The following HECTD3 variants were observed in gnomAD, a reference collection of about 807,000 sequenced individuals.
HECTD3 encodes HECT domain E3 ubiquitin protein ligase 3.
A neutral mutation model predicts 109.3 loss-of-function variants in HECTD3; 72 were observed. The ratio of observed to expected loss-of-function variants is 0.66; its 90% CI spans 0.54 to 0.80. The LOEUF is 0.80. HECTD3 is among the 30% of genes least tolerant of loss of function. The pLI, the probability that HECTD3 is intolerant of heterozygous loss-of-function variation, is 0.00. For synonymous variants in HECTD3, 481 were observed against 471.8 expected, an observed-to-expected ratio of 1.02 and a Z score of -0.25; for missense variants, 1,041 against 1,165.2, an observed-to-expected ratio of 0.89 and a Z score of 1.55.
intron 15 of HECTD3, chr1:45,005,240 G>C (rs915078660): frequency 3.6e-5 from 9 of 246,896 alleles, no homozygotes; most frequent in Admixed American, 1.5e-4. Context: ...TAAATAAGGA[G>C]AGTGAAATGA....
chr1:45,011,229 A>G lies in HECTD3; in HGVS notation c.29T>C (p.Leu10Pro). 7.2e-7 allele frequency: 1 copy of G among 1,391,748 alleles called. No homozygotes were observed. The highest frequency in any genetic ancestry group is 9.2e-7 in the Non-Finnish European group (1 of 1,081,834). The allele number at this position is 1,391,748 out of a possible 1,614,324, so 86.2% of individuals were successfully genotyped here. A position where few individuals can be genotyped will look rare whatever the true frequency, so the allele number is the denominator to read the frequency against. The part of the protein sequence containing the change: MAGPGPGAV[L>P]ESPRQLLGRV... The stretch of plus-strand genomic sequence containing the variant: ...GCCCAGCAGCTGCCGGGGGGACTCC[A>G]GCACCGCGCCCGGGCCAGGACCCGC... Residue 10 changes from leucine to proline, a missense_variant, in exon 1 of 21, where the codon CTG becomes CCG. Physicochemically the swap from Leu to Pro is moderately conservative, Grantham distance 98 (BLOSUM62 -3). Transcript: ENST00000372172.
Position 45,003,907 on chromosome 1 carries a change from T to C in HECTD3, c.2377A>G (p.Thr793Ala), listed in dbSNP as rs1477649338. 2 of 1,612,952 alleles carry C rather than the reference T, an allele frequency of 1.2e-6. No homozygotes were observed. The highest frequency in any genetic ancestry group is 1.7e-6 in the Non-Finnish European group (2 of 1,179,602). Residue 793 changes from threonine (T) to alanine (A), a missense_variant, in exon 19 of 21, where the codon ACG becomes GCG. Physicochemically the swap from Thr to Ala is moderately conservative, Grantham distance 58. Transcript: ENST00000372172. The surrounding 1 kb of genome is among the most constrained non-coding windows in gnomAD (Gnocchi z 4.7). Reference sequence around the variant, plus strand: ...CGTGCTGGCAGGCGACTGCGGCCCGTGACAAAGCGCAGGAAGCGGCTCCGG... The same window carrying C: ...CGTGCTGGCAGGCGACTGCGGCCCGCGACAAAGCGCAGGAAGCGGCTCCGG... ...EDRSRFLRFV[T>A]GRSRLPARIY...
chr1:45,005,883 C>T lies in HECTD3; in HGVS notation c.1846G>A (p.Val616Ile). 1.9e-6 allele frequency: 3 copies of T among 1,605,740 alleles called. No homozygotes were observed. Among genetic ancestry groups the T allele is most frequent in the Non-Finnish European group, 2.6e-6 (3 of 1,175,920 alleles). The change falls in exon 15 of 21, where the codon GTC becomes ATC. Residue 616 changes from valine (V) to isoleucine (I), a missense_variant and splice_region_variant. By Grantham distance (29) the Val-to-Ile change is conservative (BLOSUM62 3). This residue lies in a region of HECTD3 where 569 missense variants were observed against 715.3 expected (regional missense o/e 0.80). Transcript: ENST00000372172. Reference protein sequence around the residue: ...GAALRGKEFLVLALPGFVWKQ... With the variant: ...GAALRGKEFLILALPGFVWKQ... The stretch of plus-strand genomic sequence containing the variant: ...CACACAAAACCAGGCAGGGCCAGGA[C>T]CTGTGTGACAAACACTCCCCACTGT...
chr1:45,006,811 C>T lies in HECTD3; in HGVS notation c.1622-16G>A. 3 of 1,609,086 alleles carry T rather than the reference C, an allele frequency of 1.9e-6. No homozygotes were observed. The highest frequency in any genetic ancestry group is 1.7e-4 in the Middle Eastern group (1 of 6,028). ...AAACCACCCCCTGAAATGACAGATGCCCTCAGCTGGGCACTCAAGAGCCCA... is the reference window on the plus strand; with the variant it reads ...AAACCACCCCCTGAAATGACAGATGTCCTCAGCTGGGCACTCAAGAGCCCA... On this transcript the variant is annotated splice_polypyrimidine_tract_variant and intron_variant, in intron 12 of 20. Transcript: ENST00000372172. This position sits in a 1 kb window ranked among gnomAD's most constrained non-coding sequence, Gnocchi z 4.7.
Position 45,007,388 on chromosome 1 carries a change from C to T in HECTD3, c.1503+25G>A, listed in dbSNP as rs778218766. The T allele has an allele frequency of 8.7e-6, 14 of 1,613,280 alleles. No individual in the cohort carries two copies. The East Asian group carries it at 3.1e-4, about 36-fold the overall frequency. On this transcript the variant is annotated intron_variant, in intron 10 of 20. Coordinates refer to ENST00000372172, the MANE Select transcript of HECTD3 (RefSeq NM_024602.6). ...CCTTGGCCCTTGACTGATCCTATCT[C>T]AGTCGGACCCTAGGTGGTGCAGACC...
At position 45,010,936 on chromosome 1, in the gene HECTD3, C is replaced by A; in HGVS notation, c.322G>T (p.Gly108Cys). The stretch of plus-strand genomic sequence containing the variant: ...CCGTGGCCATTGCACAGCTCCTCGC[C>A]CGTGGTGCGCACGCAGGCGCCGCGC... ...LRRGACVRTT[G>C]EELCNGHGLW... Residue 108 changes from glycine to cysteine, a missense_variant, in exon 1 of 21, where the codon GGC becomes TGC. By Grantham distance (159) the Gly-to-Cys change is radical (BLOSUM62 -3). Coordinates refer to ENST00000372172, the MANE Select transcript of HECTD3 (RefSeq NM_024602.6). The A allele has an allele frequency of 1.0e-5, 16 of 1,541,318 alleles. No individual in the cohort carries two copies. Among genetic ancestry groups the A allele is most frequent in the Non-Finnish European group, 1.2e-5 (14 of 1,156,808 alleles).
At position 45,007,606 on chromosome 1, in the gene HECTD3, G is replaced by A; in HGVS notation, c.1321-11C>T. On this transcript the variant is annotated splice_polypyrimidine_tract_variant and intron_variant, in intron 9 of 20. Coordinates refer to ENST00000372172, the MANE Select transcript of HECTD3 (RefSeq NM_024602.6). ...GAACTGCTTCACTTGCTAGTGAGGA[G>A]AGGTGGCCAGAGCAGGAATGAGTGG... 1 of 1,603,452 alleles carries A rather than the reference G, an allele frequency of 6.2e-7. No homozygotes were observed. The highest frequency in any genetic ancestry group is 2.2e-5 in the East Asian group (1 of 44,856).
In HECTD3 at chr1:45,009,557, A is replaced by G; in HGVS notation, c.875+11T>C. The G allele has an allele frequency of 6.2e-7, 1 of 1,611,076 alleles. No individual in the cohort carries two copies. Among genetic ancestry groups the G allele is most frequent in the Non-Finnish European group, 8.5e-7 (1 of 1,177,472 alleles). ...AGCCCACCCACCCTGTCCTGCCCAG[A>G]GCCTACTTACTTGACAATGGTGCCC... On this transcript the variant is annotated intron_variant, in intron 5 of 20. Coordinates refer to ENST00000372172, the MANE Select transcript of HECTD3 (RefSeq NM_024602.6).
At chr1:45,005,022 TC>T (rs1644722195) in intron 15 of HECTD3, 2 of 601,440 alleles carry the variant, frequency 3.3e-6, no homozygotes, top group Non-Finnish European at 5.9e-6. Context: ...GAAAATGGTG[TC>T]TCAGCTGAGA....
At position 45,011,275 on chromosome 1, in the gene HECTD3, G is replaced by A. The variant is rs1343402843; in HGVS notation, c.-18C>T. On this transcript the variant is annotated 5_prime_UTR_variant, in exon 1 of 21. Transcript: ENST00000372172. ...CCCGCCATGGCGAAGTGGCGGAGGT[G>A]AGCACCTAGAGGCGACCCTGCCCGG... is the stretch of plus-strand genomic sequence containing the variant. 3 of 1,356,124 alleles carry A rather than the reference G, an allele frequency of 2.2e-6. No homozygotes were observed. The highest frequency in any genetic ancestry group is 2.8e-6 in the Non-Finnish European group (3 of 1,060,514). 84.0% of individuals were successfully genotyped at this position (1,356,124 alleles called of 1,614,324 possible).
intron 3 of HECTD3, 30 bp from the exon 4 acceptor site, chr1:45,010,151 G>C: frequency 1.9e-6 from 3 of 1,613,744 alleles, no homozygotes; most frequent in Non-Finnish European, 1.7e-6. Context: ...TAATTAGACT[G>C]GGCCCAGACG....
chr1:45,010,957 C>T lies in HECTD3; in HGVS notation c.301G>A (p.Gly101Ser), dbSNP rs766504102. Reference sequence around the variant, plus strand: ...TCGCCCGTGGTGCGCACGCAGGCGCCGCGCCGGAGCTCAATGCTGTCGCGG... The same window carrying T: ...TCGCCCGTGGTGCGCACGCAGGCGCTGCGCCGGAGCTCAATGCTGTCGCGG... ...AARDSIELRR[G>S]ACVRTTGEEL... is the part of the protein sequence containing the mutation. Residue 101 changes from glycine to serine, a missense_variant, in exon 1 of 21, where the codon GGC becomes AGC. Physicochemically the swap from Gly to Ser is moderately conservative, Grantham distance 56 (BLOSUM62 0). This residue lies in a region of HECTD3 where 472 missense variants were observed against 449.9 expected (regional missense o/e 1.05). Transcript: ENST00000372172. The T allele has an allele frequency of 1.3e-6, 2 of 1,533,564 alleles. No homozygotes were observed. The highest frequency in any genetic ancestry group is 1.7e-6 in the Non-Finnish European group (2 of 1,153,420). The allele number at this position is 1,533,564 out of a possible 1,614,324, so 95.0% of individuals were successfully genotyped here. A position where few individuals can be genotyped will look rare whatever the true frequency, so the allele number is the denominator to read the frequency against.
At position 45,010,661 on chromosome 1, in the gene HECTD3, A is replaced by G; in HGVS notation, c.415T>C (p.Trp139Arg). 6.3e-7 allele frequency: 1 copy of G among 1,592,316 alleles called. No individual in the cohort carries two copies. The highest frequency in any genetic ancestry group is 1.1e-5 in the South Asian group (1 of 89,326). The change falls in exon 2 of 21, where the codon TGG becomes CGG. Residue 139 changes from tryptophan to arginine, a missense_variant. Trp to Arg is a moderately radical substitution (Grantham distance 101). Transcript: ENST00000372172. ...HLGDCGLQEG[W>R]LLVCRPAEGG... ...TCCGCCGGGCGGCACACCAGCAGCC[A>G]GCCTTCCTGCAGCCCGCAGTCGCCC...
At position 45,009,219 on chromosome 1, in the gene HECTD3, T is replaced by C. The variant is rs1417294334; in HGVS notation, c.997A>G (p.Ile333Val). ...TCCTCCAGGACACAGACATCCCCGA[T>C]GAGGGTCCTGAGGAGATGAGTGTGA... ...LSDVSIDETLIGDVCVLEDMT... is the reference protein window; with the variant it reads ...LSDVSIDETLVGDVCVLEDMT... Residue 333 changes from isoleucine to valine, a missense_variant, in exon 7 of 21, where the codon ATC (isoleucine) becomes GTC (valine). Around this residue, in one of 2 missense-constraint regions of HECTD3, gnomAD observed 569 missense variants for 715.3 expected, o/e 0.80. Coordinates refer to ENST00000372172, the MANE Select transcript of HECTD3 (RefSeq NM_024602.6). 3.7e-6 allele frequency: 6 copies of C among 1,613,200 alleles called. No homozygotes were observed. The highest frequency in any genetic ancestry group is 1.3e-5 in the African/African-American group (1 of 74,914).
intron 7 of HECTD3, 127 bp from the exon 8 acceptor site, chr1:45,008,828 G>A (rs954966074): frequency 1.1e-5 from 9 of 818,688 alleles, no homozygotes; most frequent in African/African-American, 3.4e-5. Context: ...CGGGACCTTC[G>A]GGATCACCTT....
Position 45,010,589 on chromosome 1 carries a change from G to C in HECTD3, c.487C>G (p.Arg163Gly). The change falls in exon 2 of 21, where the codon CGG becomes GGG. Residue 163 changes from arginine (R) to glycine (G), a missense_variant. Physicochemically the swap from Arg to Gly is moderately radical, Grantham distance 125 (BLOSUM62 -2). This residue lies in a region of HECTD3 where 472 missense variants were observed against 449.9 expected (regional missense o/e 1.05). Transcript: ENST00000372172. ...VPIDTPNHLQ[R>G]QQQLFGVDYR... ...TCCACGCCAAAGAGCTGCTGCTGCC[G>C]CTGGAGGTGGTTGGGAGTGTCGATG... is the stretch of plus-strand genomic sequence containing the variant. 1 of 1,613,542 alleles carries C rather than the reference G, an allele frequency of 6.2e-7. No homozygotes were observed. The highest frequency in any genetic ancestry group is 8.5e-7 in the Non-Finnish European group (1 of 1,179,976).
chr1:45,007,644 C>T (rs4660830), intron 9 of HECTD3, 49 bp from the exon 10 acceptor site: 1,016,577 of 1,513,220 alleles, frequency 0.67, 343,239 homozygotes, highest in Middle Eastern at 0.74. Flanking sequence ...AGTCAGCCTC[C>T]GTCCAGGCCC....
intron 10 of HECTD3, 64 bp from the exon 11 acceptor site, chr1:45,007,335 C>T: frequency 6.2e-7 from 1 of 1,603,162 alleles, no homozygotes; most frequent in Non-Finnish European, 8.5e-7. Context: ...GCCCCAAGAA[C>T]TTGTTCAGGT....
At position 45,004,669 on chromosome 1, in the gene HECTD3, C is replaced by T; in HGVS notation, c.2073G>A (p.Val691=). 6.2e-7 allele frequency: 1 copy of T among 1,614,222 alleles called. No homozygotes were observed. The highest frequency in any genetic ancestry group is 8.5e-7 in the Non-Finnish European group (1 of 1,180,038). ...ELIPGGAGIV[V]GYGDRSRFIQ... is the part of the protein sequence containing the mutation. ...TGAAACGAGAACGGTCCCCATATCC[C>T]ACGACGATGCCTGCACCCCCAGGGA... The change falls in exon 16 of 21, where the codon GTG becomes GTA. Residue 691 remains valine, a synonymous_variant. Coordinates refer to ENST00000372172, the MANE Select transcript of HECTD3 (RefSeq NM_024602.6).
Sources: gnomAD v4.1 joint callset for allele counts on GRCh38, gnomAD v4.1.1 for gene constraint, gnomAD v4.1.1 regional missense constraint, Gnocchi (gnomAD v3.1) non-coding constraint, MANE v1.5 for transcripts, NCBI Gene and HGNC (gene_info 2026-07-23, HGNC 2026-07-21) for gene names.